Variants in LAMA4 observed in about 807,000 individuals in gnomAD.
The protein encoded by LAMA4 is laminin subunit alpha-4.
Under a neutral mutation model 207.1 loss-of-function variants are expected in LAMA4, and 127 were observed. The ratio of observed to expected loss-of-function variants is 0.61; its 90% CI spans 0.53 to 0.71. The LOEUF (loss-of-function observed/expected upper bound fraction) is 0.71, where lower values mean the gene tolerates loss of function less well. Ranked by LOEUF, LAMA4 falls within the 30% of genes least tolerant of loss-of-function variation. The pLI, the probability that LAMA4 is intolerant of heterozygous loss-of-function variation, is 0.00. For missense variants in LAMA4, 2,093 were observed against 2,246.5 expected, an observed-to-expected ratio of 0.93 and a Z score of 1.38; for synonymous variants, 761 against 816.0, an observed-to-expected ratio of 0.93 and a Z score of 1.15.
chr6:112,138,716 A>ATG (rs150290586), intron 24 of LAMA4, among the ~76,000 whole-genome samples: 3 of 151,788 alleles, frequency 2.0e-5, no homozygotes, highest in Admixed American at 2.0e-4. Flanking sequence ...AAAGATATAT[A>ATG]TGTGTGTGTG....
intron 18 of LAMA4, among the ~76,000 whole-genome samples, chr6:112,147,199 C>T (rs781896101): frequency 6.6e-6 from 1 of 152,062 alleles, no homozygotes; most frequent in Non-Finnish European, 1.5e-5. Context: ...ATTCCCGAGG[C>T]AATATCATTA....
intron 12 of LAMA4, among the ~76,000 whole-genome samples, chr6:112,168,635 C>T (rs113201920): frequency 1.2e-3 from 182 of 152,100 alleles, no homozygotes; most frequent in African/African-American, 4.1e-3. Flanking sequence ...CGTGAGCCAC[C>T]GAGCCAGCAT....
At chr6:112,185,849 C>CT (rs1205836293) in intron 8 of LAMA4, among the ~76,000 whole-genome samples, 1 of 152,080 alleles carries the variant, frequency 6.6e-6, no homozygotes, top group Non-Finnish European at 1.5e-5. Flanking sequence ...ACTGAGATTA[C>CT]TTGGGAGTGA....
At chr6:112,238,993 T>G (rs1389787295) in intron 2 of LAMA4, among the ~76,000 whole-genome samples, 1 of 152,134 alleles carries the variant, frequency 6.6e-6, no homozygotes, top group East Asian at 1.9e-4. Flanking sequence ...TATTTGGAGA[T>G]AGTGCCTATA....
At chr6:112,200,375 G>A (rs1286757168) in intron 5 of LAMA4, among the ~76,000 whole-genome samples, 3 of 152,178 alleles carry the variant, frequency 2.0e-5, no homozygotes, top group Non-Finnish European at 4.4e-5. Context: ...TAAAAAGTCA[G>A]GTAACAACAG....
chr6:112,165,023 A>T, intron 13 of LAMA4, 137 bp downstream of exon 13: 1 of 737,696 alleles, frequency 1.4e-6, no homozygotes, highest in Admixed American at 1.8e-5. Context: ...CAGTGCAAGA[A>T]ACTAAAACAT....
chr6:112,246,531 T>C (rs1786943826), intron 2 of LAMA4, among the ~76,000 whole-genome samples: 1 of 151,770 alleles, frequency 6.6e-6, no homozygotes, highest in East Asian at 1.9e-4. Context: ...TTTTTTTTTT[T>C]TTTTTTTGAG....
rs782638314 is a variant in LAMA4 at position 112,109,564 on chromosome 6, C to T, written c.5345G>A (p.Arg1782His). The T allele has an allele frequency of 1.9e-5, 31 of 1,613,936 alleles. No individual in the cohort carries two copies. The African/African-American group carries it at 2.8e-4, about 15-fold the overall frequency. Residue 1782 changes from arginine (R) to histidine (H), a missense_variant, in exon 39 of 39, where the codon CGC becomes CAC. Arg to His is a conservative substitution (Grantham distance 29). Transcript: ENST00000230538. Reference protein sequence around the residue: ...GGVPESLLTPRLAPSKPFTGC... With the variant: ...GGVPESLLTPHLAPSKPFTGC... Reference sequence around the variant, plus strand: ...TGTGAAGGGTTTGCTGGGGGCCAAGCGTGGTGTCAGTAGAGATTCTGAAAA... The same window carrying T: ...TGTGAAGGGTTTGCTGGGGGCCAAGTGTGGTGTCAGTAGAGATTCTGAAAA...
rs782001026 is a variant in LAMA4 at position 112,114,133 on chromosome 6, G to T, written c.5269C>A (p.Pro1757Thr). The T allele has an allele frequency of 1.9e-6, 3 of 1,613,672 alleles. No individual in the cohort carries two copies. The East Asian group carries it at 6.7e-5, about 36-fold the overall frequency. The part of the protein sequence containing the change: ...VDSEVNHVVG[P>T]LNPKPIDHRE... ...TGATCAATTGGTTTTGGATTCAGGG[G>T]TCCAACCACATGGTTCACTTCAGAG... is the stretch of plus-strand genomic sequence containing the variant. The change falls in exon 38 of 39, where the codon CCC (proline) becomes ACC (threonine). Residue 1757 changes from proline to threonine, a missense_variant. Pro to Thr is a conservative substitution (Grantham distance 38). Coordinates refer to ENST00000230538, the MANE Select transcript of LAMA4 (RefSeq NM_001105206.3).
Position 112,254,270 on chromosome 6 carries a change from G to A in LAMA4, c.-120C>T. ...CCCTCCTCTCCGTGTGCAGTATCCCGAGGTGGCTGCGCAACCAGCAGCTTA... is the reference window on the plus strand; with the variant it reads ...CCCTCCTCTCCGTGTGCAGTATCCCAAGGTGGCTGCGCAACCAGCAGCTTA... On this transcript the variant is annotated 5_prime_UTR_variant, in exon 2 of 39. Transcript: ENST00000230538. 2 of 1,282,000 alleles carry A rather than the reference G, an allele frequency of 1.6e-6. No homozygotes were observed. The highest frequency in any genetic ancestry group is 2.2e-6 in the Non-Finnish European group (2 of 898,410). 79.4% of individuals were successfully genotyped at this position (1,282,000 alleles called of 1,614,324 possible).
intron 5 of LAMA4, among the ~76,000 whole-genome samples, chr6:112,199,786 T>C (rs782158884): frequency 1.3e-5 from 2 of 148,998 alleles, no homozygotes; most frequent in Non-Finnish European, 3.0e-5. Context: ...TTTTTTTGAG[T>C]TTCAGACCCA....
chr6:112,172,936 CA>C, intron 11 of LAMA4, 132 bp from the exon 12 acceptor site: 1 of 702,854 alleles, frequency 1.4e-6, no homozygotes, highest in Non-Finnish European at 2.5e-6. Flanking sequence ...CTATTGTTCA[CA>C]AAATTAGCTC....
chr6:112,153,281 C>T (rs1183252073), intron 16 of LAMA4, among the ~76,000 whole-genome samples: 1 of 152,048 alleles, frequency 6.6e-6, no homozygotes, highest in Non-Finnish European at 1.5e-5. Flanking sequence ...AATTTGAAAA[C>T]CTGAATGTAC....
intron 12 of LAMA4, among the ~76,000 whole-genome samples, chr6:112,169,088 A>G (rs1437927050): frequency 6.6e-6 from 1 of 152,208 alleles, no homozygotes. Context: ...CTTAAGTAGG[A>G]AGCCATTGAA....
intron 5 of LAMA4, among the ~76,000 whole-genome samples, chr6:112,201,021 TA>T (rs1783714946): frequency 6.7e-6 from 1 of 150,268 alleles, no homozygotes; most frequent in African/African-American, 2.5e-5. Context: ...TCCCAGAACT[TA>T]AAATATAATT....
At chr6:112,235,173 C>T (rs545419251) in intron 2 of LAMA4, among the ~76,000 whole-genome samples, 31 of 152,302 alleles carry the variant, frequency 2.0e-4, no homozygotes, top group Admixed American at 1.8e-3. Flanking sequence ...CTGCCCCAAA[C>T]CCCTGAAATA....
At chr6:112,214,575 A>T (rs1224590696) in intron 3 of LAMA4, among the ~76,000 whole-genome samples, 1 of 152,228 alleles carries the variant, frequency 6.6e-6, no homozygotes, top group African/African-American at 2.4e-5. Context: ...CATATATTAC[A>T]TTAATGAGGG....
chr6:112,205,203 C>T (rs7754329), intron 4 of LAMA4, among the ~76,000 whole-genome samples: 138,026 of 152,282 alleles, frequency 0.91, 62,583 homozygotes, highest in South Asian at 0.93. Flanking sequence ...AAGAAAAATC[C>T]AAGTGTTAGA....
chr6:112,137,564 T>C (rs1372292910), intron 24 of LAMA4, among the ~76,000 whole-genome samples: 3 of 152,200 alleles, frequency 2.0e-5, no homozygotes, highest in Non-Finnish European at 2.9e-5. Context: ...ACTTGAAGAG[T>C]TGAAGGTAGC....
Sources: allele counts gnomAD v4.1 joint callset (sites outside exome capture counted in the v4.1 genomes callset), GRCh38; gene constraint gnomAD v4.1.1; transcripts MANE v1.5; gene names NCBI Gene and HGNC (gene_info 2026-07-23, HGNC 2026-07-21).